Variants in ADGRB3 observed in about 807,000 individuals in gnomAD.
ADGRB3 encodes brain-specific angiogenesis inhibitor 3.
ADGRB3 carries 37 observed loss-of-function variants against 193.4 expected under a neutral mutation model. That is an observed-to-expected ratio of 0.19 (90% CI 0.15 to 0.25). ADGRB3 has a LOEUF of 0.25. Ranked by LOEUF, ADGRB3 falls within the 10% of genes least tolerant of loss-of-function variation. ADGRB3 has a pLI of 1.00. For missense variants in ADGRB3, 1,637 were observed against 1,852.9 expected (o/e 0.88, Z 2.14); for synonymous variants, 690 against 644.2 (o/e 1.07, Z -1.08).
At chr6:69,348,493 CAAAAAA>C (rs5877205) in intron 26 of ADGRB3, among the ~76,000 whole-genome samples, 26 of 114,860 alleles carry the variant, frequency 2.3e-4, no homozygotes, top group African/African-American at 8.0e-4. Flanking sequence ...CTAAAAAATG[CAAAAAA>C]AAAAAAAAAA....
intron 17 of ADGRB3, among the ~76,000 whole-genome samples, chr6:69,141,042 T>G (rs950283727): frequency 1.3e-5 from 2 of 150,622 alleles, no homozygotes; most frequent in African/African-American, 4.9e-5. Flanking sequence ...AATATTTGGA[T>G]AGTAAATGCT....
rs756953552 is a variant in ADGRB3, at chr6:69,339,306, G to A, written c.3288-27G>A. The A allele has an allele frequency of 1.6e-5, 25 of 1,609,116 alleles. No individual in the cohort carries two copies. In the East Asian group the frequency reaches 2.7e-4, roughly 17 times the overall value. On this transcript the variant is annotated intron_variant, in intron 25 of 31. Transcript: ENST00000370598. ...GGCCTGGGGTGTGATGTATAGCTACGTAATGTTACTTTCTTGGTCTCAACA... is the reference window on the plus strand; with the variant it reads ...GGCCTGGGGTGTGATGTATAGCTACATAATGTTACTTTCTTGGTCTCAACA...
chr6:68,981,713 A>G (rs977166497), intron 10 of ADGRB3, among the ~76,000 whole-genome samples: 1 of 151,496 alleles, frequency 6.6e-6, no homozygotes, highest in Admixed American at 6.6e-5. Context: ...AAACTTATAC[A>G]AAAACAAGCA....
chr6:69,289,891 G>A (rs947713534), intron 20 of ADGRB3, among the ~76,000 whole-genome samples: 3 of 151,934 alleles, frequency 2.0e-5, no homozygotes, highest in African/African-American at 7.3e-5. Flanking sequence ...GAGTCAGTGT[G>A]TGGCACAGCC....
rs548472953 is a variant in ADGRB3, at chr6:68,769,676, TTA to T, written c.757+130245_757+130246del. Among the ~76,000 whole-genome samples the T allele has an allele frequency of 9.2e-5, 14 of 152,230 alleles. No individual in the cohort carries two copies. The East Asian group carries it at 2.5e-3, about 27-fold the overall frequency. On this transcript the variant is annotated intron_variant, in intron 3 of 31. Coordinates refer to ENST00000370598, the MANE Select transcript of ADGRB3 (RefSeq NM_001704.3). ...ACCTTCTGCACACATATCCCAAAAC[TTA>T]AAGTACACACACACAAAATAAATAA... is the stretch of plus-strand genomic sequence containing the variant.
At chr6:68,822,527 A>G (rs1194333393) in intron 3 of ADGRB3, among the ~76,000 whole-genome samples, 1 of 151,862 alleles carries the variant, frequency 6.6e-6, no homozygotes, top group Non-Finnish European at 1.5e-5. Flanking sequence ...CTTCAAATAG[A>G]GTTATTGTGT....
intron 17 of ADGRB3, among the ~76,000 whole-genome samples, chr6:69,232,054 C>T (rs182111778): frequency 6.6e-6 from 1 of 152,218 alleles, no homozygotes; most frequent in Non-Finnish European, 1.5e-5. Context: ...ATCAAAAGCA[C>T]CATATCAAAA....
intron 22 of ADGRB3, among the ~76,000 whole-genome samples, chr6:69,328,091 T>C (rs1316464680): frequency 1.3e-5 from 2 of 152,174 alleles, no homozygotes; most frequent in Non-Finnish European, 2.9e-5. Flanking sequence ...ATCTTTGTTT[T>C]AGTTTCCCAT....
chr6:68,974,929 G>A (rs1489927158), intron 9 of ADGRB3, 65 bp downstream of exon 9: 17 of 1,358,998 alleles, frequency 1.3e-5, no homozygotes, highest in Non-Finnish European at 1.5e-5. Flanking sequence ...ATGCAGTGTT[G>A]GTTTATGAAG....
At chr6:69,328,163 A>G (rs1768621585) in intron 22 of ADGRB3, among the ~76,000 whole-genome samples, 1 of 152,178 alleles carries the variant, frequency 6.6e-6, no homozygotes, top group South Asian at 2.1e-4. Flanking sequence ...TGCATGCCCA[A>G]TCTCAAATAA....
intron 3 of ADGRB3, among the ~76,000 whole-genome samples, chr6:68,894,476 A>T (rs1363678366): frequency 6.6e-6 from 1 of 151,942 alleles, no homozygotes; most frequent in Non-Finnish European, 1.5e-5. Flanking sequence ...GATGTGAGAA[A>T]ATCAAAAACA....
intron 3 of ADGRB3, among the ~76,000 whole-genome samples, chr6:68,669,161 A>C (rs1225356970): frequency 6.6e-6 from 1 of 151,952 alleles, no homozygotes; most frequent in Non-Finnish European, 1.5e-5. Context: ...GCTATGTGAA[A>C]TAAGGACGTC....
chr6:69,043,664 G>T (rs183186761), intron 13 of ADGRB3, among the ~76,000 whole-genome samples: 47 of 152,260 alleles, frequency 3.1e-4, no homozygotes, highest in African/African-American at 1.1e-3. Context: ...TGTTCTAGGT[G>T]AACTATTCTC....
intron 12 of ADGRB3, 126 bp downstream of exon 12, chr6:69,014,232 G>GAC: frequency 3.3e-6 from 2 of 603,564 alleles, no homozygotes; most frequent in Non-Finnish European, 5.5e-6. Context: ...TTATATCCTA[G>GAC]TAATTTTTGA....
chr6:68,750,819 C>T (rs534050886), intron 3 of ADGRB3, among the ~76,000 whole-genome samples: 207 of 152,316 alleles, frequency 1.4e-3, no homozygotes, highest in Non-Finnish European at 2.4e-3. Context: ...ATATTACAGA[C>T]TTCAGTTATT....
chr6:68,892,633 C>T (rs1223264169), intron 3 of ADGRB3, among the ~76,000 whole-genome samples: 1 of 152,052 alleles, frequency 6.6e-6, no homozygotes, highest in East Asian at 1.9e-4. Context: ...ATTTCTCATA[C>T]CTCTCAGAGG....
chr6:69,340,556 G>A (rs1768952894), intron 26 of ADGRB3, among the ~76,000 whole-genome samples: 1 of 152,136 alleles, frequency 6.6e-6, no homozygotes, highest in African/African-American at 2.4e-5. Context: ...GATGTGCAGA[G>A]ATAACTAGAG....
At chr6:68,694,575 T>A (rs1054441400) in intron 3 of ADGRB3, among the ~76,000 whole-genome samples, 9 of 151,932 alleles carry the variant, frequency 5.9e-5, no homozygotes, top group Non-Finnish European at 1.5e-5. Flanking sequence ...CATTATCCCA[T>A]GTGGCCCTCA....
intron 17 of ADGRB3, among the ~76,000 whole-genome samples, chr6:69,080,261 C>A (rs1772349690): frequency 6.6e-6 from 1 of 151,962 alleles, no homozygotes; most frequent in Non-Finnish European, 1.5e-5. Flanking sequence ...TATATCTATA[C>A]ATTAGGAAGA....
Sources: gnomAD v4.1 joint callset for allele counts (sites outside exome capture counted in the v4.1 genomes callset) on GRCh38, gnomAD v4.1.1 for gene constraint, MANE v1.5 for transcripts, NCBI Gene and HGNC (gene_info 2026-07-23, HGNC 2026-07-21) for gene names.